The following DMD variants were observed in gnomAD, a reference collection of about 807,000 sequenced individuals.
DMD encodes mutant dystrophin.
Under a neutral mutation model 330.1 loss-of-function variants are expected in DMD, and 63 were observed. The observed-to-expected ratio is 0.19, with a 90% CI of 0.16 to 0.24. The LOEUF (loss-of-function observed/expected upper bound fraction) is 0.24. Among genes scored for constraint, DMD ranks in the 10% least tolerant of loss-of-function variants. DMD has a pLI of 1.00. For missense variants in DMD, 3,344 were observed against 2,684.1 expected (o/e 1.25, Z -5.43); for synonymous variants, 1,223 against 959.8 (o/e 1.27, Z -5.07).
chrX:32,470,170 G>T (rs756399553), intron 22 of DMD, among the ~76,000 whole-genome samples: 5 of 110,095 alleles, frequency 4.5e-5, no homozygotes, highest in African/African-American at 1.6e-4. Context: ...ATTATTCATA[G>T]GTTTATTATT....
intron 44 of DMD, among the ~76,000 whole-genome samples, chrX:32,026,316 A>G (rs1010986619): frequency 3.6e-5 from 4 of 112,492 alleles, no homozygotes; most frequent in Middle Eastern, 4.6e-3. Flanking sequence ...GTTTTACAAC[A>G]TGCTAATTTA....
At chrX:31,832,394 A>C (rs1274139077) in intron 49 of DMD, among the ~76,000 whole-genome samples, 1 of 111,847 alleles carries the variant, frequency 8.9e-6, no homozygotes, top group Non-Finnish European at 1.9e-5. Flanking sequence ...GAGAAAAAAA[A>C]ACAGCTTCAT....
chrX:31,213,628 A>G (rs746426317), intron 64 of DMD, among the ~76,000 whole-genome samples: 3 of 111,687 alleles, frequency 2.7e-5, no homozygotes, highest in Non-Finnish European at 5.6e-5. Flanking sequence ...TGGCTGTGAC[A>G]CTTATTCTTG....
chrX:32,567,339 T>C (rs2051846375), intron 15 of DMD, among the ~76,000 whole-genome samples: 1 of 112,447 alleles, frequency 8.9e-6, no homozygotes, highest in South Asian at 3.7e-4. Context: ...TAAGATATTA[T>C]ACACTGAATT....
chrX:32,474,208 TACACAC>T (rs3045001), intron 21 of DMD, among the ~76,000 whole-genome samples: 2 of 41,284 alleles, frequency 4.8e-5, no homozygotes, highest in Non-Finnish European at 1.7e-4. Flanking sequence ...CATACATACA[TACACAC>T]ACACACACAC....
chrX:33,014,483 C>T (rs1352074324), intron 2 of DMD, among the ~76,000 whole-genome samples: 2 of 111,650 alleles, frequency 1.8e-5, no homozygotes, highest in East Asian at 2.8e-4. Flanking sequence ...CAAAATGTTA[C>T]GGAGATTGAA....
intron 12 of DMD, among the ~76,000 whole-genome samples, chrX:32,612,845 G>A (rs975093804): frequency 9.0e-6 from 1 of 110,655 alleles, no homozygotes; most frequent in Non-Finnish European, 1.9e-5. Context: ...AGATCTTAGA[G>A]GACTCCTGGG....
At chrX:32,250,120 T>G (rs1297170170) in intron 43 of DMD, among the ~76,000 whole-genome samples, 1 of 111,758 alleles carries the variant, frequency 8.9e-6, no homozygotes, top group Non-Finnish European at 1.9e-5. Flanking sequence ...TAATACTTTA[T>G]AGTTTTATAG....
At chrX:32,782,452 G>C (rs1001592710) in intron 7 of DMD, among the ~76,000 whole-genome samples, 4 of 111,915 alleles carry the variant, frequency 3.6e-5, no homozygotes, top group African/African-American at 9.8e-5. Context: ...GGAACAGCAA[G>C]TGCTAAGGCC....
chrX:32,170,603 T>C (rs1447160585), intron 44 of DMD, among the ~76,000 whole-genome samples: 2 of 109,918 alleles, frequency 1.8e-5, no homozygotes, highest in African/African-American at 6.6e-5. Context: ...TTTGTTCAGC[T>C]TGTTAAATGT....
At chrX:31,569,657 TAC>T (rs1454944964) in intron 55 of DMD, among the ~76,000 whole-genome samples, 1 of 102,343 alleles carries the variant, frequency 9.8e-6, no homozygotes, top group Non-Finnish European at 2.0e-5. Flanking sequence ...TACGTATATA[TAC>T]GTATATATAC....
intron 11 of DMD, among the ~76,000 whole-genome samples, chrX:32,638,081 T>C (rs2059215539): frequency 8.9e-6 from 1 of 112,214 alleles, no homozygotes; most frequent in Non-Finnish European, 1.9e-5. Flanking sequence ...AAAATTATTA[T>C]GACCATAATC....
chrX:32,346,125 A>T (rs1212926452), intron 38 of DMD, 45 bp from the exon 39 acceptor site: 2 of 1,173,316 alleles, frequency 1.7e-6, no homozygotes, highest in Non-Finnish European at 2.3e-6. Flanking sequence ...GTTTTTAAAA[A>T]GCTGTACATT....
At chrX:31,595,529 A>C (rs1367627714) in intron 55 of DMD, among the ~76,000 whole-genome samples, 1 of 111,353 alleles carries the variant, frequency 9.0e-6, no homozygotes, top group Admixed American at 9.6e-5. Context: ...TTGGCAGTAC[A>C]TTCCTTCCAA....
chrX:31,820,171 A>G (rs745971114), intron 49 of DMD, 88 bp from the exon 50 acceptor site: 1 of 759,994 alleles, frequency 1.3e-6, no homozygotes, highest in African/African-American at 2.1e-5. Flanking sequence ...TGAATATATT[A>G]TTGGATTTCT....
rs565901324 is a variant in DMD, at chrX:32,646,407, G to T, written c.961-1255C>A. 4.8e-4 allele frequency among the ~76,000 whole-genome samples: 54 copies of T among 111,531 alleles called. No homozygotes were observed. In the South Asian group the frequency reaches 0.018, roughly 38 times the overall value. ...CAAGGACATAGGCATACTATTTACG[G>T]AGGTGAGCAGAACAAACAAATATTG... On this transcript the variant is annotated intron_variant, in intron 9 of 78. Transcript: ENST00000357033.
intron 9 of DMD, among the ~76,000 whole-genome samples, chrX:32,695,924 G>A (rs895042956): frequency 2.7e-5 from 3 of 111,882 alleles, no homozygotes; most frequent in African/African-American, 6.5e-5. Flanking sequence ...TAGAGGCTGA[G>A]AAAAATGTTT....
At chrX:32,863,969 C>T (rs2082287620) in intron 2 of DMD, among the ~76,000 whole-genome samples, 1 of 112,000 alleles carries the variant, frequency 8.9e-6, no homozygotes, top group East Asian at 2.8e-4. Context: ...ATAAATGTCA[C>T]ATAGGATACA....
Position 31,157,043 on chromosome X carries a change from T to C in DMD, c.10554-9525A>G, listed in dbSNP as rs902665892. Reference sequence around the variant, plus strand: ...TGAGTTAAGATCACTAGGATGAGATTTCCTTGATTTGACCCAATACGCTAG... The same window carrying C: ...TGAGTTAAGATCACTAGGATGAGATCTCCTTGATTTGACCCAATACGCTAG... On this transcript the variant is annotated intron_variant, in intron 74 of 78. Transcript: ENST00000357033. Among the ~76,000 whole-genome samples the C allele has an allele frequency of 4.5e-5, 5 of 112,076 alleles. No homozygotes were observed. The Admixed American group carries it at 4.7e-4, about 11-fold the overall frequency.
Sources: gnomAD v4.1 joint callset for allele counts (sites outside exome capture counted in the v4.1 genomes callset) on GRCh38, gnomAD v4.1.1 for gene constraint, MANE v1.5 for transcripts, NCBI Gene and HGNC (gene_info 2026-07-23, HGNC 2026-07-21) for gene names.